Variants in JAKMIP1 observed in about 807,000 individuals in gnomAD.
The protein encoded by JAKMIP1 is janus kinase and microtubule-interacting protein 1.
JAKMIP1 carries 33 observed loss-of-function variants against 113.0 expected under a neutral mutation model. The ratio of observed to expected loss-of-function variants is 0.29; its 90% CI spans 0.22 to 0.39. The LOEUF is 0.39. Ranked by LOEUF, JAKMIP1 falls within the 10% of genes least tolerant of loss-of-function variation. The pLI is 1.00. For missense variants in JAKMIP1, 813 were observed against 1,080.5 expected (o/e 0.75, Z 3.47); for synonymous variants, 480 against 459.9 (o/e 1.04, Z -0.56).
chr4:6,037,699 C>A (rs1713703477), intron 18 of JAKMIP1, among the ~76,000 whole-genome samples: 1 of 141,034 alleles, frequency 7.1e-6, no homozygotes, highest in African/African-American at 2.8e-5. Context: ...CCCTCCATCA[C>A]TGAGTCAGAG....
intron 3 of JAKMIP1, among the ~76,000 whole-genome samples, chr4:6,099,477 A>G (rs1712645166): frequency 6.6e-6 from 1 of 152,244 alleles, no homozygotes; most frequent in Non-Finnish European, 1.5e-5. Flanking sequence ...GCGAGAGCAC[A>G]GATCCATTTT....
Position 6,059,812 on chromosome 4 carries a change from C to T in JAKMIP1, c.1644+612G>A, listed in dbSNP as rs1464865389. Among the ~76,000 whole-genome samples the T allele has an allele frequency of 2.0e-5, 3 of 152,166 alleles. No individual in the cohort carries two copies. The highest frequency in any genetic ancestry group is 2.9e-5 in the Non-Finnish European group (2 of 68,030). On this transcript the variant is annotated intron_variant, in intron 11 of 20. Coordinates refer to ENST00000409021, the MANE Select transcript of JAKMIP1 (RefSeq NM_001099433.2). This position sits in a 1 kb window ranked among gnomAD's most constrained non-coding sequence, Gnocchi z 4.8. The stretch of plus-strand genomic sequence containing the variant: ...ACAGAGGAGGCCGACCCATACGAAC[C>T]TTCGCATGCCACCCCGAGAGGCCAG...
In JAKMIP1 at chr4:6,138,702, G is replaced by A. The variant is rs1269681737; in HGVS notation, c.-147-25705C>T. Among the ~76,000 whole-genome samples, 3 of 152,156 alleles carry A rather than the reference G, an allele frequency of 2.0e-5. No individual in the cohort carries two copies. The highest frequency in any genetic ancestry group is 2.1e-4 in the South Asian group (1 of 4,826). On this transcript the variant is annotated intron_variant, in intron 1 of 20. Coordinates refer to ENST00000409021, the MANE Select transcript of JAKMIP1 (RefSeq NM_001099433.2). The surrounding 1 kb of genome is among the most constrained non-coding windows in gnomAD (Gnocchi z 6.0). The stretch of plus-strand genomic sequence containing the variant: ...CCACGGAATGGCCGTGCAGTGGCGT[G>A]TTCTCAACGGCCAGCTCTGTCTCAG...
intron 8 of JAKMIP1, among the ~76,000 whole-genome samples, chr4:6,073,241 G>A (rs543225621): frequency 4.1e-4 from 62 of 152,244 alleles, no homozygotes; most frequent in African/African-American, 1.5e-3. Flanking sequence ...CGTGGGGCTA[G>A]GAGTCAAGTT....
In JAKMIP1 at chr4:6,140,991, CA is replaced by C. The variant is rs1271335626; in HGVS notation, c.-147-27995del. On this transcript the variant is annotated intron_variant, in intron 1 of 20. Transcript: ENST00000409021. This position sits in a 1 kb window ranked among gnomAD's most constrained non-coding sequence, Gnocchi z 9.4. ...CTAAGACCCCAGAGCTGGGTGACGGCAGAGCCAGCCCTGTGGGCCAGGCATC... is the reference window on the plus strand; with the variant it reads ...CTAAGACCCCAGAGCTGGGTGACGGCGAGCCAGCCCTGTGGGCCAGGCATC... Among the ~76,000 whole-genome samples, 8 of 152,192 alleles carry C rather than the reference CA, an allele frequency of 5.3e-5. No homozygotes were observed. Among genetic ancestry groups the C allele is most frequent in the Non-Finnish European group, 8.8e-5 (6 of 68,048 alleles).
Position 6,106,104 on chromosome 4 carries a change from C to T in JAKMIP1, c.130-137G>A, listed in dbSNP as rs1713898255. 2 of 623,444 alleles carry T rather than the reference C, an allele frequency of 3.2e-6. No individual in the cohort carries two copies. The highest frequency in any genetic ancestry group is 2.8e-5 in the East Asian group (1 of 36,160). The allele number at this position is 623,444 out of a possible 1,614,324, so 38.6% of individuals were successfully genotyped here. On this transcript the variant is annotated intron_variant, in intron 2 of 20. Coordinates refer to ENST00000409021, the MANE Select transcript of JAKMIP1 (RefSeq NM_001099433.2). The surrounding 1 kb of genome is among the most constrained non-coding windows in gnomAD (Gnocchi z 5.9). The stretch of plus-strand genomic sequence containing the variant: ...CCTGGGCCCACGTTCCCATGGATTC[C>T]CCCTTCGGCAGTGCCCTGCAGGCCT...
intron 3 of JAKMIP1, among the ~76,000 whole-genome samples, chr4:6,100,197 C>T (rs146613809): frequency 4.6e-5 from 7 of 152,308 alleles, no homozygotes; most frequent in African/African-American, 1.4e-4. Flanking sequence ...TGTTTCAGAA[C>T]CTTCCTCGCC....
At chr4:6,148,717 C>T (rs1721183087) in intron 1 of JAKMIP1, among the ~76,000 whole-genome samples, 1 of 152,252 alleles carries the variant, frequency 6.6e-6, no homozygotes, top group Non-Finnish European at 1.5e-5. Context: ...TTGTTTATCA[C>T]TGTGCCTCCA....
rs928220157 is a variant in JAKMIP1, at chr4:6,176,799, G to A, written c.-148+23454C>T. On this transcript the variant is annotated intron_variant, in intron 1 of 20. Coordinates refer to ENST00000409021, the MANE Select transcript of JAKMIP1 (RefSeq NM_001099433.2). This position sits in a 1 kb window ranked among gnomAD's most constrained non-coding sequence, Gnocchi z 5.5. ...GTAATCCTAGCACTTTTTGGGGGCC[G>A]AGGCAGGCGGATCACTTGAGCCCAG... Among the ~76,000 whole-genome samples the A allele has an allele frequency of 3.9e-5, 6 of 152,170 alleles. No individual in the cohort carries two copies. Among genetic ancestry groups the A allele is most frequent in the South Asian group, 4.1e-4 (2 of 4,822 alleles).
At chr4:6,047,719 C>T (rs1311784275) in intron 16 of JAKMIP1, among the ~76,000 whole-genome samples, 1 of 152,296 alleles carries the variant, frequency 6.6e-6, no homozygotes, top group South Asian at 2.1e-4. Flanking sequence ...AATGCCCTTC[C>T]AGCAATTCTG....
intron 3 of JAKMIP1, among the ~76,000 whole-genome samples, 191 bp from the exon 4 acceptor site, chr4:6,085,820 AAG>A (rs1322273022): frequency 2.0e-5 from 3 of 152,208 alleles, no homozygotes; most frequent in Non-Finnish European, 4.4e-5. Flanking sequence ...TCACTCCCAC[AAG>A]ACAGAGGAGA....
At chr4:6,182,897 C>G (rs1217189273) in intron 1 of JAKMIP1, among the ~76,000 whole-genome samples, 1 of 152,194 alleles carries the variant, frequency 6.6e-6, no homozygotes, top group Non-Finnish European at 1.5e-5. Context: ...GCAGATATGA[C>G]CTGGAGATGC....
At chr4:6,126,192 CACAT>C (rs1717546482) in intron 1 of JAKMIP1, among the ~76,000 whole-genome samples, 1 of 149,680 alleles carries the variant, frequency 6.7e-6, no homozygotes, top group African/African-American at 2.5e-5. Context: ...TGCAGAAACA[CACAT>C]ACACAAACAC....
At position 6,153,634 on chromosome 4, in the gene JAKMIP1, T is replaced by C. The variant is rs1041805792; in HGVS notation, c.-147-40637A>G. 3.3e-5 allele frequency among the ~76,000 whole-genome samples: 5 copies of C among 152,194 alleles called. No homozygotes were observed. The highest frequency in any genetic ancestry group is 7.3e-5 in the Non-Finnish European group (5 of 68,044). ...GAACGTTTTGTGGAAGGCCATCATG[T>C]TCCCGTGTGCCCCTCGGCACCTTAC... On this transcript the variant is annotated intron_variant, in intron 1 of 20. Transcript: ENST00000409021. The surrounding 1 kb of genome is among the most constrained non-coding windows in gnomAD (Gnocchi z 4.9).
intron 1 of JAKMIP1, among the ~76,000 whole-genome samples, chr4:6,163,768 A>G (rs1723240536): frequency 6.6e-6 from 1 of 152,244 alleles, no homozygotes; most frequent in African/African-American, 2.4e-5. Context: ...ACAAATAATA[A>G]GAAAGTGAAA....
rs527334194 is a variant in JAKMIP1, at chr4:6,086,012, C to T, written c.625-383G>A. On this transcript the variant is annotated intron_variant, in intron 3 of 20. Transcript: ENST00000409021. This position sits in a 1 kb window ranked among gnomAD's most constrained non-coding sequence, Gnocchi z 4.1. The stretch of plus-strand genomic sequence containing the variant: ...TCTCTCCGTCTCCAGGACCATGTCT[C>T]CCTCTCAGTCATTGACCCTCTCCTG... Among the ~76,000 whole-genome samples, 1 of 152,208 alleles carries T rather than the reference C, an allele frequency of 6.6e-6. No individual in the cohort carries two copies. Among genetic ancestry groups the T allele is most frequent in the South Asian group, 2.1e-4 (1 of 4,804 alleles).
At chr4:6,191,860 C>T (rs1727290284) in intron 1 of JAKMIP1, among the ~76,000 whole-genome samples, 1 of 151,984 alleles carries the variant, frequency 6.6e-6, no homozygotes, top group Non-Finnish European at 1.5e-5. Flanking sequence ...AAAATTATTA[C>T]TAAGATATTT....
chr4:6,047,042 T>C (rs1715091370), intron 16 of JAKMIP1, among the ~76,000 whole-genome samples: 1 of 152,226 alleles, frequency 6.6e-6, no homozygotes, highest in Admixed American at 6.5e-5. Flanking sequence ...TTGAACCTGA[T>C]GGCAATGCCT....
At chr4:6,169,603 TTGTGTGTGTGTGTGTG>T (rs71173413) in intron 1 of JAKMIP1, among the ~76,000 whole-genome samples, 9 of 137,284 alleles carry the variant, frequency 6.6e-5, no homozygotes, top group Non-Finnish European at 1.4e-4. Context: ...CCCTAGGAAA[TTGTGTGTGTGTGTGTG>T]TGTGTGTGTG....
Sources: allele counts gnomAD v4.1 joint callset (sites outside exome capture counted in the v4.1 genomes callset), GRCh38; gene constraint gnomAD v4.1.1; non-coding constraint Gnocchi (gnomAD v3.1); transcripts MANE v1.5; gene names NCBI Gene and HGNC (gene_info 2026-07-23, HGNC 2026-07-21).